PLXNB1: variants seen among roughly 807,000 people sequenced by gnomAD.
PLXNB1 encodes plexin B1.
In PLXNB1, 106 loss-of-function variants were observed where a neutral mutation model predicts 209.4. The ratio of observed to expected loss-of-function variants is 0.51; its 90% CI spans 0.43 to 0.59. The LOEUF is 0.59. PLXNB1 is among the 20% of genes least tolerant of loss of function. PLXNB1 has a pLI of 0.00. For missense variants in PLXNB1, 2,357 were observed against 2,853.2 expected (o/e 0.83, Z 3.96); for synonymous variants, 1,167 against 1,183.2 (o/e 0.99, Z 0.28).
At position 48,409,697 on chromosome 3, in the gene PLXNB1, T is replaced by C. The variant is rs1422868263; in HGVS notation, c.5813A>G (p.Gln1938Arg). 6.2e-7 allele frequency: 1 copy of C among 1,613,818 alleles called. No individual in the cohort carries two copies. Among genetic ancestry groups the C allele is most frequent in the Non-Finnish European group, 8.5e-7 (1 of 1,179,990 alleles). The stretch of plus-strand genomic sequence containing the variant: ...GGGGCGGCTGGTGCTGAGAATCACC[T>C]GGAACAGGTCATCCACGAACTTCTG... ...TLQKFVDDLF[Q>R]VILSTSRPVP... is the part of the protein sequence containing the mutation. Residue 1938 changes from glutamine (Q) to arginine (R), a missense_variant, in exon 33 of 38, where the codon CAG becomes CGG. By Grantham distance (43) the Gln-to-Arg change is conservative. This residue lies in a region of PLXNB1 where 414 missense variants were observed against 520.5 expected (regional missense o/e 0.80). Transcript: ENST00000296440. The surrounding 1 kb of genome is among the most constrained non-coding windows in gnomAD (Gnocchi z 5.8).
rs1378528537 is a variant in PLXNB1 at position 48,423,733 on chromosome 3, G to T, written c.879C>A (p.Leu293=). The change falls in exon 3 of 38, where the codon CTC becomes CTA. Residue 293 remains leucine, a synonymous_variant. Coordinates refer to ENST00000296440, the MANE Select transcript of PLXNB1 (RefSeq NM_001130082.3). ...TSREVAHGEV[L]FAAFSSAAPP... ...GTGCAGCCGAGGAGAAAGCTGCAAA[G>T]AGCACCTCCCCATGCGCCACCTCCC... The T allele has an allele frequency of 1.2e-6, 2 of 1,613,728 alleles. No individual in the cohort carries two copies. Among genetic ancestry groups the T allele is most frequent in the Non-Finnish European group, 1.7e-6 (2 of 1,179,950 alleles).
In PLXNB1 at chr3:48,419,187, A is replaced by G; in HGVS notation, c.2832+57T>C. On this transcript the variant is annotated intron_variant, in intron 12 of 37. Transcript: ENST00000296440. The surrounding 1 kb of genome is among the most constrained non-coding windows in gnomAD (Gnocchi z 5.7). ...TCCTCCTGCTCCCCAGGGCTTGTGC[A>G]GAGTTTCTCAACAGCTAAGGAGGCT... 1.3e-6 allele frequency: 2 copies of G among 1,549,386 alleles called. No individual in the cohort carries two copies. Among genetic ancestry groups the G allele is most frequent in the East Asian group, 2.3e-5 (1 of 44,142 alleles).
Position 48,412,796 on chromosome 3 carries a change from C to T in PLXNB1, c.4800G>A (p.Glu1600=), listed in dbSNP as rs1238219321. 1 of 1,613,660 alleles carries T rather than the reference C, an allele frequency of 6.2e-7. No homozygotes were observed. The highest frequency in any genetic ancestry group is 1.7e-5 in the Admixed American group (1 of 60,024). ...GGTTAGAGAGCTGCCCCAGCCCTTG[C>T]TCCACAGTGGGCCGTCTGCTCTCAG... ...GVPESRRPTV[E]QGLGQLSNLL... is the part of the protein sequence containing the mutation. Residue 1600 remains glutamate (E), a synonymous_variant, in exon 25 of 38, where the codon GAG becomes GAA. Transcript: ENST00000296440.
Position 48,424,517 on chromosome 3 carries a change from C to T in PLXNB1, c.95G>A (p.Gly32Asp), listed in dbSNP as rs533198395. 1 of 1,599,956 alleles carries T rather than the reference C, an allele frequency of 6.3e-7. No individual in the cohort carries two copies. Among genetic ancestry groups the T allele is most frequent in the Non-Finnish European group, 8.5e-7 (1 of 1,173,482 alleles). Residue 32 changes from glycine (G) to aspartate (D), a missense_variant, in exon 3 of 38, where the codon GGC becomes GAC. Transcript: ENST00000296440. Reference protein sequence around the residue: ...PLPPTAFTPNGTYLQHLARDP... With the variant: ...PLPPTAFTPNDTYLQHLARDP... ...CCTTGCCAGGTGCTGCAGATACGTGCCATTGGGAGTGAATGCAGTTGGTGG... is the reference window on the plus strand; with the variant it reads ...CCTTGCCAGGTGCTGCAGATACGTGTCATTGGGAGTGAATGCAGTTGGTGG...
chr3:48,429,015 G>A lies in PLXNB1; in HGVS notation c.-60+993C>T, dbSNP rs968429. Among the ~76,000 whole-genome samples, 1 of 152,170 alleles carries A rather than the reference G, an allele frequency of 6.6e-6. No homozygotes were observed. The highest frequency in any genetic ancestry group is 1.5e-5 in the Non-Finnish European group (1 of 68,018). ...GCGGGGAAGGGGCCGGCCGGTCCCC[G>A]GCGGCGACGGCGAGGAGGGGGCGCG... is the stretch of plus-strand genomic sequence containing the variant. On this transcript the variant is annotated intron_variant, in intron 1 of 37. Coordinates refer to ENST00000296440, the MANE Select transcript of PLXNB1 (RefSeq NM_001130082.3). The surrounding 1 kb of genome is among the most constrained non-coding windows in gnomAD (Gnocchi z 6.4).
intron 1 of PLXNB1, among the ~76,000 whole-genome samples, chr3:48,425,550 G>A (rs1184526224): frequency 6.6e-6 from 1 of 152,050 alleles, no homozygotes; most frequent in African/African-American, 2.4e-5. Flanking sequence ...AGCAGAGCCA[G>A]GCACCCGAGG....
At chr3:48,412,362 A>G in intron 26 of PLXNB1, 58 bp from the exon 27 acceptor site, 1 of 1,610,772 alleles carries the variant, frequency 6.2e-7, no homozygotes, top group Non-Finnish European at 8.5e-7. Flanking sequence ...GGGCCTCTCT[A>G]TCCTGCAGAC....
At chr3:48,414,657 G>T in intron 21 of PLXNB1, 142 bp downstream of exon 21, 3 of 1,114,890 alleles carry the variant, frequency 2.7e-6, no homozygotes, top group Non-Finnish European at 3.8e-6. Flanking sequence ...AGCCCCCTCT[G>T]CCCCCACCAC....
In PLXNB1 at chr3:48,415,874, AG is replaced by A. The variant is rs2038058944; in HGVS notation, c.3618-116del. ...TGCAGTCTCCACCAGGTGTCCCTGG[AG>A]GTGCACTCCCACCACAGCTGGCTAG... On this transcript the variant is annotated intron_variant, in intron 18 of 37. Coordinates refer to ENST00000296440, the MANE Select transcript of PLXNB1 (RefSeq NM_001130082.3). This position sits in a 1 kb window ranked among gnomAD's most constrained non-coding sequence, Gnocchi z 5.0. 3.5e-5 allele frequency: 46 copies of A among 1,329,178 alleles called. 1 individual carries two copies. In the South Asian group the frequency reaches 6.5e-4, roughly 19 times the overall value. The allele number at this position is 1,329,178 out of a possible 1,614,324, so 82.3% of individuals were successfully genotyped here. A position where few individuals can be genotyped will look rare whatever the true frequency, so the allele number is the denominator to read the frequency against.
rs1457783367 is a variant in PLXNB1, at chr3:48,404,481, G to T, written c.*5C>A. The stretch of plus-strand genomic sequence containing the variant: ...AAGCAACAGCAGGCCGTGGCTCCTG[G>T]GTTCCTATAGATCTGTGACCTTGTT... On this transcript the variant is annotated 3_prime_UTR_variant, in exon 38 of 38. Coordinates refer to ENST00000296440, the MANE Select transcript of PLXNB1 (RefSeq NM_001130082.3). The T allele has an allele frequency of 2.5e-6, 4 of 1,600,774 alleles. No homozygotes were observed. The highest frequency in any genetic ancestry group is 3.4e-6 in the Non-Finnish European group (4 of 1,169,230).
rs780266312 is a variant in PLXNB1 at position 48,404,421 on chromosome 3, T to C, written c.*65A>G. 11 of 1,039,204 alleles carry C rather than the reference T, an allele frequency of 1.1e-5. No individual in the cohort carries two copies. Among genetic ancestry groups the C allele is most frequent in the Non-Finnish European group, 1.6e-5 (11 of 685,382 alleles). The allele number at this position is 1,039,204 out of a possible 1,614,324, so 64.4% of individuals were successfully genotyped here. On this transcript the variant is annotated 3_prime_UTR_variant, in exon 38 of 38. Coordinates refer to ENST00000296440, the MANE Select transcript of PLXNB1 (RefSeq NM_001130082.3). ...TACAGGCACCTAAGAAGGTGGCCTC[T>C]CCTCCGAGCTTCCAGGGCTGCCCAG...
Position 48,420,676 on chromosome 3 carries a change from C to G in PLXNB1, c.2017G>C (p.Ala673Pro). 1.9e-6 allele frequency: 3 copies of G among 1,613,516 alleles called. No homozygotes were observed. The highest frequency in any genetic ancestry group is 1.7e-6 in the Non-Finnish European group (2 of 1,179,698). The change falls in exon 10 of 38, where the codon GCA becomes CCA. Residue 673 changes from alanine to proline, a missense_variant. Ala to Pro is a conservative substitution (Grantham distance 27). Around this residue, in one of 7 missense-constraint regions of PLXNB1, gnomAD observed 214 missense variants for 297.1 expected, o/e 0.72. Coordinates refer to ENST00000296440, the MANE Select transcript of PLXNB1 (RefSeq NM_001130082.3). ...AAAGTCACACTCACCTGATGGCTTG[C>G]AACCATGGGCCCAGCATCACACGAG... ...KASCDAGPMV[A>P]SHQSPLVSPD...
In PLXNB1 at chr3:48,418,146, T is replaced by G; in HGVS notation, c.3222+45A>C. The G allele has an allele frequency of 6.2e-7, 1 of 1,610,448 alleles. No homozygotes were observed. Among genetic ancestry groups the G allele is most frequent in the Non-Finnish European group, 8.5e-7 (1 of 1,178,094 alleles). On this transcript the variant is annotated intron_variant, in intron 15 of 37. Coordinates refer to ENST00000296440, the MANE Select transcript of PLXNB1 (RefSeq NM_001130082.3). This position sits in a 1 kb window ranked among gnomAD's most constrained non-coding sequence, Gnocchi z 6.6. ...CACCTTTGGGCCCCCACACCCTCCC[T>G]CTAAGGGCAGCACTGAGGAAGGGAT... is the stretch of plus-strand genomic sequence containing the variant.
chr3:48,423,404 T>C (rs527661479), intron 3 of PLXNB1, 101 bp downstream of exon 3: 3 of 1,303,840 alleles, frequency 2.3e-6, no homozygotes, highest in African/African-American at 2.9e-5. Flanking sequence ...ATCCTCGTGC[T>C]ACCACCAGCT....
Position 48,424,594 on chromosome 3 carries a change from T to C in PLXNB1, c.18A>G (p.Pro6=), listed in dbSNP as rs2038783167. ...CGGCCCAGAGAGCCTGGAGAAGAGC[T>C]GGGCCCAGAGCAGGCATGGTCACCT... is the stretch of plus-strand genomic sequence containing the variant. MPALG[P]ALLQALWAGW... The change falls in exon 3 of 38, where the codon CCA becomes CCG. Residue 6 remains proline, a synonymous_variant. Coordinates refer to ENST00000296440, the MANE Select transcript of PLXNB1 (RefSeq NM_001130082.3). 1 of 1,540,182 alleles carries C rather than the reference T, an allele frequency of 6.5e-7. No homozygotes were observed. Among genetic ancestry groups the C allele is most frequent in the Admixed American group, 2.0e-5 (1 of 51,174 alleles).
In PLXNB1 at chr3:48,424,126, C is replaced by A. The variant is rs761183479; in HGVS notation, c.486G>T (p.Gly162=). The A allele has an allele frequency of 1.8e-4, 272 of 1,553,192 alleles. No individual in the cohort carries two copies. Among genetic ancestry groups the A allele is most frequent in the Non-Finnish European group, 2.2e-4 (255 of 1,148,844 alleles). The part of the protein sequence containing the change: ...TVGLVAQGLA[G]EPLLFVGRGY... The stretch of plus-strand genomic sequence containing the variant: ...CTCGCCCCACAAACAGGAGGGGCTC[C>A]CCTGCCAAGCCCTGGGCTACCAGCC... The change falls in exon 3 of 38, where the codon GGG becomes GGT. Residue 162 remains glycine, a synonymous_variant. Transcript: ENST00000296440.
chr3:48,421,411 T>G (rs369530390), intron 7 of PLXNB1, 27 bp from the exon 8 acceptor site: 1 of 1,516,946 alleles, frequency 6.6e-7, no homozygotes, highest in East Asian at 2.3e-5. Flanking sequence ...GGACACACTG[T>G]TGGGGCTAGT....
At chr3:48,404,801 G>C (rs2037215981) in intron 37 of PLXNB1, among the ~76,000 whole-genome samples, 1 of 152,104 alleles carries the variant, frequency 6.6e-6, no homozygotes. Context: ...GGATGAATAA[G>C]GTAGGAAATG....
In PLXNB1 at chr3:48,429,824, C is replaced by T. The variant is rs1444443488; in HGVS notation, c.-60+184G>A. Among the ~76,000 whole-genome samples the T allele has an allele frequency of 6.6e-6, 1 of 152,170 alleles. No homozygotes were observed. Among genetic ancestry groups the T allele is most frequent in the Middle Eastern group, 3.4e-3 (1 of 294 alleles). ...GGAGCCGAGGCGGGGGGTCGCGCTC[C>T]GCACCCGCAGGTGCTGGTGGAACAG... On this transcript the variant is annotated intron_variant, in intron 1 of 37. Transcript: ENST00000296440. This position sits in a 1 kb window ranked among gnomAD's most constrained non-coding sequence, Gnocchi z 6.4.
Sources: allele counts gnomAD v4.1 joint callset (sites outside exome capture counted in the v4.1 genomes callset), GRCh38; gene constraint gnomAD v4.1.1; regional missense constraint gnomAD v4.1.1; non-coding constraint Gnocchi (gnomAD v3.1); transcripts MANE v1.5; gene names NCBI Gene and HGNC (gene_info 2026-07-23, HGNC 2026-07-21).